Variants in VOPP1 observed in about 807,000 individuals in gnomAD.
The protein encoded by VOPP1 is VOPP1 WW domain binding protein, also known as WW domain binding protein VOPP1.
A neutral mutation model predicts 23.5 loss-of-function variants in VOPP1; 8 were observed. The observed-to-expected ratio is 0.34, with a 90% CI of 0.20 to 0.61. The LOEUF (loss-of-function observed/expected upper bound fraction) is 0.61. Among genes scored for constraint, VOPP1 ranks in the 20% least tolerant of loss-of-function variants. The pLI is 0.78. For missense variants in VOPP1, 174 were observed against 238.1 expected (o/e 0.73, Z 1.77); for synonymous variants, 83 against 97.3 (o/e 0.85, Z 0.86).
intron 1 of VOPP1, among the ~76,000 whole-genome samples, chr7:55,534,327 T>C (rs764973421): frequency 9.2e-5 from 14 of 152,146 alleles, no homozygotes; most frequent in Admixed American, 2.0e-4. Context: ...TCATATAATT[T>C]CCTAAACCCT....
At chr7:55,547,122 G>A (rs538544225) in intron 1 of VOPP1, among the ~76,000 whole-genome samples, 2 of 152,202 alleles carry the variant, frequency 1.3e-5, no homozygotes, top group African/African-American at 2.4e-5. Context: ...GGGAGAAGCC[G>A]ACAGAGCTGT....
chr7:55,519,643 G>C (rs1486324626), intron 2 of VOPP1, among the ~76,000 whole-genome samples: 1 of 152,202 alleles, frequency 6.6e-6, no homozygotes, highest in African/African-American at 2.4e-5. Flanking sequence ...TTATGCTGCT[G>C]TTTTATTTTC....
At chr7:55,567,748 G>A (rs996622489) in intron 1 of VOPP1, among the ~76,000 whole-genome samples, 8 of 152,230 alleles carry the variant, frequency 5.3e-5, no homozygotes, top group South Asian at 2.1e-4. Context: ...CTGGCCTCCC[G>A]TGGAGTTTCC....
intron 2 of VOPP1, among the ~76,000 whole-genome samples, chr7:55,516,737 T>G (rs1378204854): frequency 6.6e-6 from 1 of 152,002 alleles, no homozygotes. Flanking sequence ...TTGTTTGAAA[T>G]ATATTTTCTG....
intron 1 of VOPP1, among the ~76,000 whole-genome samples, chr7:55,540,791 CA>C (rs1797099882): frequency 6.6e-6 from 1 of 152,204 alleles, no homozygotes; most frequent in Admixed American, 6.5e-5. Context: ...GCCAAGACAA[CA>C]CTGAGACAGA....
chr7:55,436,637 T>C (rs996119347), intron 4 of VOPP1, among the ~76,000 whole-genome samples: 21 of 136,020 alleles, frequency 1.5e-4, no homozygotes, highest in South Asian at 4.5e-4. Flanking sequence ...TGTGCGTGTG[T>C]GTGCGTGCGT....
intron 4 of VOPP1, among the ~76,000 whole-genome samples, chr7:55,489,522 CTA>C (rs1345898175): frequency 6.6e-6 from 1 of 152,164 alleles, no homozygotes; most frequent in Non-Finnish European, 1.5e-5. Context: ...TGGTCAGTCA[CTA>C]TAGAGTTGTT....
At chr7:55,541,191 C>G (rs1259832087) in intron 1 of VOPP1, among the ~76,000 whole-genome samples, 1 of 152,142 alleles carries the variant, frequency 6.6e-6, no homozygotes, top group Non-Finnish European at 1.5e-5. Flanking sequence ...GCAATACTTG[C>G]ATAACTCTGT....
intron 1 of VOPP1, among the ~76,000 whole-genome samples, chr7:55,557,025 G>A (rs1468588092): frequency 1.3e-5 from 2 of 152,140 alleles, no homozygotes; most frequent in African/African-American, 4.8e-5. Context: ...CACTGTCTCA[G>A]CCCACATAAA....
intron 4 of VOPP1, among the ~76,000 whole-genome samples, chr7:55,480,128 C>CA (rs1478662366): frequency 2.0e-5 from 3 of 152,174 alleles, no homozygotes; most frequent in African/African-American, 7.2e-5. Flanking sequence ...ACTAACTTTA[C>CA]AACATGAATA....
At chr7:55,512,401 G>C (rs1196298870) in intron 2 of VOPP1, among the ~76,000 whole-genome samples, 1 of 152,052 alleles carries the variant, frequency 6.6e-6, no homozygotes, top group African/African-American at 2.4e-5. Flanking sequence ...ATTCCAGCCT[G>C]GGCAAGAGTG....
At chr7:55,464,166 C>A (rs1423114982) in intron 4 of VOPP1, among the ~76,000 whole-genome samples, 1 of 152,168 alleles carries the variant, frequency 6.6e-6, no homozygotes, top group Non-Finnish European at 1.5e-5. Flanking sequence ...GGCCTGTCAT[C>A]AGAACCCACG....
chr7:55,531,391 C>T (rs1281986739), intron 1 of VOPP1, among the ~76,000 whole-genome samples: 2 of 150,870 alleles, frequency 1.3e-5, no homozygotes, highest in African/African-American at 2.4e-5. Context: ...GCTGTGTCGC[C>T]CATGCTGGAG....
chr7:55,442,103 C>T (rs1465201776), intron 4 of VOPP1, among the ~76,000 whole-genome samples: 1 of 152,112 alleles, frequency 6.6e-6, no homozygotes, highest in Admixed American at 6.5e-5. Context: ...TCATTGCATT[C>T]AATTATCCTG....
intron 1 of VOPP1, among the ~76,000 whole-genome samples, chr7:55,552,209 G>T (rs1002524747): frequency 8.5e-5 from 13 of 152,154 alleles, no homozygotes; most frequent in Admixed American, 7.2e-4. Context: ...GCAGTCCACT[G>T]AGGGACTGGG....
intron 2 of VOPP1, among the ~76,000 whole-genome samples, chr7:55,498,908 C>T (rs1191974125): frequency 6.6e-6 from 1 of 152,134 alleles, no homozygotes; most frequent in Non-Finnish European, 1.5e-5. Flanking sequence ...GGAGGTGGTG[C>T]TGCCTCTTTG....
intron 3 of VOPP1, among the ~76,000 whole-genome samples, chr7:55,495,627 C>A (rs1045311296): frequency 6.6e-6 from 1 of 152,254 alleles, no homozygotes; most frequent in African/African-American, 2.4e-5. Flanking sequence ...AGTATCCACA[C>A]CTCATTATCT....
intron 1 of VOPP1, among the ~76,000 whole-genome samples, chr7:55,566,039 C>G (rs1433809762): frequency 6.6e-6 from 1 of 152,162 alleles, no homozygotes; most frequent in Non-Finnish European, 1.5e-5. Context: ...CAAACAGGCC[C>G]TGCAGACCTC....
chr7:55,507,043 A>C (rs1226602504), intron 2 of VOPP1, among the ~76,000 whole-genome samples: 1 of 152,168 alleles, frequency 6.6e-6, no homozygotes, highest in Non-Finnish European at 1.5e-5. Context: ...TTAGGAATCC[A>C]ACCTACCCCA....
Sources: allele counts gnomAD v4.1 joint callset (sites outside exome capture counted in the v4.1 genomes callset), GRCh38; gene constraint gnomAD v4.1.1; transcripts MANE v1.5; gene names NCBI Gene and HGNC (gene_info 2026-07-23, HGNC 2026-07-21).